SLC44A5: variants seen among roughly 807,000 people sequenced by gnomAD.
SLC44A5 encodes solute carrier family 44 member 5, also known as choline transporter-like protein 5.
A neutral mutation model predicts 101.8 loss-of-function variants in SLC44A5; 57 were observed. That is an observed-to-expected ratio of 0.56 (90% CI 0.45 to 0.70). The LOEUF is 0.70. Ranked by LOEUF, SLC44A5 falls within the 30% of genes least tolerant of loss-of-function variation. The pLI is 0.00. For missense variants in SLC44A5, 737 were observed against 853.1 expected, an observed-to-expected ratio of 0.86 and a Z score of 1.70; for synonymous variants, 281 against 290.9, an observed-to-expected ratio of 0.97 and a Z score of 0.35.
intron 4 of SLC44A5, among the ~76,000 whole-genome samples, chr1:75,336,739 G>A (rs1657474201): frequency 1.3e-5 from 2 of 152,120 alleles, no homozygotes. Context: ...TGAACTTTTT[G>A]TATGAGGACC....
rs1428683606 is a variant in SLC44A5 at position 75,384,992 on chromosome 1, A to T, written c.52+11591T>A. Among the ~76,000 whole-genome samples, 11 of 152,078 alleles carry T rather than the reference A, an allele frequency of 7.2e-5. No homozygotes were observed. In the East Asian group the frequency reaches 2.1e-3, roughly 29 times the overall value. On this transcript the variant is annotated intron_variant, in intron 3 of 23. Coordinates refer to ENST00000370859, the MANE Select transcript of SLC44A5 (RefSeq NM_001130058.2). ...TAATGAAATGAAGGCAGAAATAAAG[A>T]TGTTCTTTGAAACCAATGAGAACAA...
intron 2 of SLC44A5, among the ~76,000 whole-genome samples, chr1:75,480,307 G>GA (rs1308636893): frequency 6.6e-6 from 1 of 152,160 alleles, no homozygotes; most frequent in African/African-American, 2.4e-5. Flanking sequence ...TACTGAATGG[G>GA]AAAAAACTGG....
At chr1:75,302,706 C>G (rs1461651718) in intron 4 of SLC44A5, among the ~76,000 whole-genome samples, 3 of 152,174 alleles carry the variant, frequency 2.0e-5, no homozygotes, top group South Asian at 2.1e-4. Flanking sequence ...CATCACTACT[C>G]CTGTGCTTTG....
chr1:75,306,872 C>T (rs1004558910), intron 4 of SLC44A5, among the ~76,000 whole-genome samples: 2 of 151,094 alleles, frequency 1.3e-5, no homozygotes, highest in African/African-American at 2.4e-5. Flanking sequence ...GTAGCTGGGA[C>T]TACAGGCGCC....
chr1:75,265,864 T>A (rs909341959), intron 6 of SLC44A5, among the ~76,000 whole-genome samples: 1 of 152,160 alleles, frequency 6.6e-6, no homozygotes, highest in Non-Finnish European at 1.5e-5. Flanking sequence ...CAAGCTGAAG[T>A]TTTTGTAGTA....
At chr1:75,616,496 C>A in the SLC44A5 span, among the ~76,000 whole-genome samples, 1 of 152,204 alleles carries the variant, frequency 6.6e-6, no homozygotes, top group Non-Finnish European at 1.5e-5. Context: ...CGCGCTGGGC[C>A]CAAGAAAGAC....
chr1:75,527,776 G>A (rs1044013201), intron 2 of SLC44A5, among the ~76,000 whole-genome samples: 2 of 151,856 alleles, frequency 1.3e-5, no homozygotes, highest in African/African-American at 4.8e-5. Context: ...GACCCTTCCA[G>A]TCAATGGATT....
chr1:75,579,746 A>G (rs1050276779), intron 1 of SLC44A5, among the ~76,000 whole-genome samples: 7 of 152,262 alleles, frequency 4.6e-5, no homozygotes, highest in Middle Eastern at 6.8e-3. Context: ...CAGAATATAT[A>G]GAAGAACAAA....
chr1:75,242,164 C>T, intron 8 of SLC44A5, 103 bp from the exon 9 acceptor site: 2 of 764,474 alleles, frequency 2.6e-6, no homozygotes, highest in South Asian at 1.8e-5. Flanking sequence ...ATAATAATCT[C>T]CTTATTTCAA....
intron 1 of SLC44A5, among the ~76,000 whole-genome samples, chr1:75,584,748 C>T (rs1673899417): frequency 6.6e-6 from 1 of 151,926 alleles, no homozygotes. Context: ...TAGCATGTGC[C>T]ACAATGCCTG....
intron 6 of SLC44A5, among the ~76,000 whole-genome samples, chr1:75,258,742 C>T (rs1444263391): frequency 2.0e-5 from 3 of 152,100 alleles, no homozygotes; most frequent in African/African-American, 7.2e-5. Flanking sequence ...GAGACACCTC[C>T]CAGTAGGCGC....
chr1:75,283,704 C>A (rs749253072), intron 5 of SLC44A5, among the ~76,000 whole-genome samples: 2 of 151,948 alleles, frequency 1.3e-5, no homozygotes, highest in African/African-American at 2.4e-5. Flanking sequence ...CAGTTTTATT[C>A]TTCTACATGT....
At chr1:75,478,144 G>C (rs1027164095) in intron 2 of SLC44A5, among the ~76,000 whole-genome samples, 4 of 152,150 alleles carry the variant, frequency 2.6e-5, no homozygotes, top group Non-Finnish European at 5.9e-5. Context: ...TTCATATCCA[G>C]CCAAACTAAG....
intron 15 of SLC44A5, 149 bp from the exon 16 acceptor site, chr1:75,219,493 G>C: frequency 1.5e-6 from 1 of 670,014 alleles, no homozygotes; most frequent in Non-Finnish European, 2.6e-6. Flanking sequence ...TTCAGGCCTA[G>C]ATTAATGTAA....
At chr1:75,220,168 C>T (rs1228589016) in intron 14 of SLC44A5, among the ~76,000 whole-genome samples, 1 of 152,134 alleles carries the variant, frequency 6.6e-6, no homozygotes, top group Non-Finnish European at 1.5e-5. Context: ...GTAATCATGG[C>T]ATTTCTTCCT....
At chr1:75,693,669 C>T in the SLC44A5 span, among the ~76,000 whole-genome samples, 39,123 of 151,790 alleles carry the variant, frequency 0.26, 5,372 homozygotes, top group Middle Eastern at 0.37. Context: ...CATACTGGAG[C>T]CCACCAATGT....
intron 4 of SLC44A5, among the ~76,000 whole-genome samples, chr1:75,315,500 G>T (rs981464437): frequency 6.6e-6 from 1 of 151,904 alleles, no homozygotes; most frequent in Non-Finnish European, 1.5e-5. Flanking sequence ...CATCCCGTCT[G>T]GTCTTCTAGA....
rs188933469 is a variant in SLC44A5, at chr1:75,263,501, G to A, written c.260+11457C>T. ...AACAACAGATGCTGGAGAGGATGTG[G>A]AGAAATAGGAATGCTTTTACACTGT... is the stretch of plus-strand genomic sequence containing the variant. On this transcript the variant is annotated intron_variant, in intron 6 of 23. Transcript: ENST00000370859. Among the ~76,000 whole-genome samples the A allele has an allele frequency of 4.8e-3, 726 of 152,294 alleles. 4 individuals are homozygous for A. Among genetic ancestry groups the A allele is most frequent in the South Asian group, 0.016 (75 of 4,824 alleles).
At chr1:75,220,472 G>A (rs192798624) in intron 14 of SLC44A5, among the ~76,000 whole-genome samples, 4 of 151,702 alleles carry the variant, frequency 2.6e-5, no homozygotes, top group East Asian at 3.9e-4. Flanking sequence ...AACACTTCAG[G>A]TAATTCCTTA....
Sources: allele counts gnomAD v4.1 joint callset (sites outside exome capture counted in the v4.1 genomes callset), GRCh38; gene constraint gnomAD v4.1.1; transcripts MANE v1.5; gene names NCBI Gene and HGNC (gene_info 2026-07-23, HGNC 2026-07-21).